TMEM131L: variants seen among roughly 807,000 people sequenced by gnomAD.
The protein encoded by TMEM131L is transmembrane 131 like.
Under a neutral mutation model 192.2 loss-of-function variants are expected in TMEM131L, and 54 were observed. The ratio of observed to expected loss-of-function variants is 0.28; its 90% CI spans 0.23 to 0.35. The LOEUF (loss-of-function observed/expected upper bound fraction) is 0.35, where lower values mean the gene tolerates loss of function less well. Ranked by LOEUF, TMEM131L falls within the 10% of genes least tolerant of loss-of-function variation. The pLI is 1.00. For missense variants in TMEM131L, 1,888 were observed against 1,972.9 expected (o/e 0.96, Z 0.82); for synonymous variants, 701 against 704.9 (o/e 0.99, Z 0.09).
At chr4:153,500,844 T>C (rs999978999) in intron 3 of TMEM131L, among the ~76,000 whole-genome samples, 2 of 152,186 alleles carry the variant, frequency 1.3e-5, no homozygotes, top group Non-Finnish European at 2.9e-5. Flanking sequence ...TGCACTTTTT[T>C]CCTAGTTGTG....
intron 3 of TMEM131L, among the ~76,000 whole-genome samples, chr4:153,499,270 C>T (rs934002401): frequency 6.6e-6 from 1 of 152,180 alleles, no homozygotes; most frequent in African/African-American, 2.4e-5. Flanking sequence ...GTAGCTCAGA[C>T]ATGGCCTCGG....
intron 3 of TMEM131L, among the ~76,000 whole-genome samples, chr4:153,523,203 C>G (rs1211286096): frequency 4.6e-5 from 7 of 152,136 alleles, no homozygotes; most frequent in Admixed American, 3.9e-4. Context: ...GACTATAATT[C>G]CCAAATGTTA....
At chr4:153,511,866 T>C (rs1734382820) in intron 3 of TMEM131L, among the ~76,000 whole-genome samples, 1 of 152,240 alleles carries the variant, frequency 6.6e-6, no homozygotes, top group African/African-American at 2.4e-5. Flanking sequence ...TTGAATAACT[T>C]TATAGTTTCT....
chr4:153,521,527 C>T (rs961902495), intron 3 of TMEM131L, among the ~76,000 whole-genome samples: 2 of 152,134 alleles, frequency 1.3e-5, no homozygotes, highest in Non-Finnish European at 2.9e-5. Flanking sequence ...GTACAATAGA[C>T]GTAACATTAA....
At chr4:153,636,127 C>A (rs1473430018) in intron 34 of TMEM131L, among the ~76,000 whole-genome samples, 174 bp from the exon 35 acceptor site, 1 of 152,182 alleles carries the variant, frequency 6.6e-6, no homozygotes, top group East Asian at 1.9e-4. Flanking sequence ...ATGAGGATTT[C>A]ACAATCCTCC....
At chr4:153,467,390 CTT>C in intron 2 of TMEM131L, 109 bp downstream of exon 2, 1 of 924,452 alleles carries the variant, frequency 1.1e-6, no homozygotes. Context: ...GTTCGGGCCA[CTT>C]TGCAAGGCAA....
chr4:153,546,851 C>T (rs1371232784), intron 3 of TMEM131L, among the ~76,000 whole-genome samples: 3 of 152,280 alleles, frequency 2.0e-5, no homozygotes, highest in African/African-American at 4.8e-5. Context: ...CGCTTGAACC[C>T]GGGAGGTGGA....
intron 20 of TMEM131L, 119 bp downstream of exon 20, chr4:153,596,504 C>A (rs556687038): frequency 2.4e-6 from 3 of 1,259,528 alleles, no homozygotes; most frequent in Middle Eastern, 2.3e-4. Context: ...GGCTGTGTTG[C>A]GGGGTAGGAA....
At chr4:153,542,177 A>G (rs547935928) in intron 3 of TMEM131L, among the ~76,000 whole-genome samples, 1 of 152,364 alleles carries the variant, frequency 6.6e-6, no homozygotes, top group South Asian at 2.1e-4. Context: ...TAGAGTGAGA[A>G]AAGAGTAGAG....
rs956036286 is a variant in TMEM131L, at chr4:153,555,180, G to A, written c.309-607G>A. On this transcript the variant is annotated intron_variant, in intron 4 of 34. Transcript: ENST00000409959. This position sits in a 1 kb window ranked among gnomAD's most constrained non-coding sequence, Gnocchi z 4.1. The stretch of plus-strand genomic sequence containing the variant: ...GATTTTCAGTTTTCTCAAAAGAATA[G>A]CCTTTAGCCATAATTAAGTTTTCCT... Among the ~76,000 whole-genome samples the A allele has an allele frequency of 2.0e-5, 3 of 152,134 alleles. No individual in the cohort carries two copies. In the South Asian group the frequency reaches 6.2e-4, roughly 32 times the overall value.
In TMEM131L at chr4:153,532,974, T is replaced by A. The variant is rs76220203; in HGVS notation, c.240-17099T>A. ...CAGGTGGATTTAGGGATTCTCTCTC[T>A]TTCTCAATTCTTTTTTTTTTTTTTT... is the stretch of plus-strand genomic sequence containing the variant. On this transcript the variant is annotated intron_variant, in intron 3 of 34. Transcript: ENST00000409959. Among the ~76,000 whole-genome samples, 726 of 151,586 alleles carry A rather than the reference T, an allele frequency of 4.8e-3. 3 individuals carry two copies. The highest frequency in any genetic ancestry group is 0.017 in the African/African-American group (681 of 41,164).
intron 3 of TMEM131L, among the ~76,000 whole-genome samples, chr4:153,483,419 AG>A (rs1732080924): frequency 1.3e-5 from 2 of 151,958 alleles, no homozygotes; most frequent in Admixed American, 1.3e-4. Context: ...GAGACTTAGG[AG>A]GCTGGGTGTG....
In TMEM131L at chr4:153,596,111, G is replaced by A. The variant is rs957511356; in HGVS notation, c.1996-147G>A. ...AGCTGTTTATTGGAGTGAACTCTCAGGATAAGCAAGTTCTAACAGGTTGAT... is the reference window on the plus strand; with the variant it reads ...AGCTGTTTATTGGAGTGAACTCTCAAGATAAGCAAGTTCTAACAGGTTGAT... On this transcript the variant is annotated intron_variant, in intron 19 of 34. Transcript: ENST00000409959. 25 of 885,682 alleles carry A rather than the reference G, an allele frequency of 2.8e-5. No individual in the cohort carries two copies. The African/African-American group carries it at 3.5e-4, about 13-fold the overall frequency. The allele number at this position is 885,682 out of a possible 1,614,324, so 54.9% of individuals were successfully genotyped here.
At chr4:153,620,634 C>A in intron 26 of TMEM131L, 122 bp from the exon 27 acceptor site, 1 of 521,406 alleles carries the variant, frequency 1.9e-6, no homozygotes, top group Non-Finnish European at 3.2e-6. Flanking sequence ...GAGCAACATA[C>A]TTCTCAGTTT....
intron 3 of TMEM131L, among the ~76,000 whole-genome samples, chr4:153,515,480 C>T (rs1372638469): frequency 6.6e-6 from 1 of 152,168 alleles, no homozygotes; most frequent in African/African-American, 2.4e-5. Context: ...TTTTATTCAT[C>T]ATTTGTACAT....
chr4:153,499,779 G>GT (rs1561134613), intron 3 of TMEM131L, among the ~76,000 whole-genome samples: 1 of 152,116 alleles, frequency 6.6e-6, no homozygotes, highest in Admixed American at 6.5e-5. Flanking sequence ...AGCACTTCAC[G>GT]TGATGGGAAG....
At chr4:153,630,423 CTT>C (rs972957758) in intron 31 of TMEM131L, among the ~76,000 whole-genome samples, 3 of 152,220 alleles carry the variant, frequency 2.0e-5, no homozygotes, top group African/African-American at 7.2e-5. Flanking sequence ...ATGGCTTTCT[CTT>C]TAAGTTTCTG....
intron 3 of TMEM131L, among the ~76,000 whole-genome samples, chr4:153,477,043 G>C (rs562884574): frequency 6.6e-6 from 1 of 152,280 alleles, no homozygotes; most frequent in Non-Finnish European, 1.5e-5. Flanking sequence ...CAGGGTAGGG[G>C]GTTGAAAGTG....
intron 7 of TMEM131L, among the ~76,000 whole-genome samples, chr4:153,562,859 A>G (rs1728933741): frequency 6.6e-6 from 1 of 152,238 alleles, no homozygotes; most frequent in African/African-American, 2.4e-5. Context: ...CTGTTGTTTT[A>G]TGTACGTCAG....
Sources: gnomAD v4.1 joint callset for allele counts (sites outside exome capture counted in the v4.1 genomes callset) on GRCh38, gnomAD v4.1.1 for gene constraint, Gnocchi (gnomAD v3.1) non-coding constraint, MANE v1.5 for transcripts, NCBI Gene and HGNC (gene_info 2026-07-23, HGNC 2026-07-21) for gene names.